The following KCNG3 variants were observed in gnomAD, a reference collection of about 807,000 sequenced individuals.
KCNG3 encodes the protein potassium voltage-gated channel modifier subfamily G member 3.
A neutral mutation model predicts 29.0 loss-of-function variants in KCNG3; 15 were observed. That is an observed-to-expected ratio of 0.52 (90% confidence interval 0.35 to 0.80). The LOEUF (loss-of-function observed/expected upper bound fraction) is 0.80. Ranked by LOEUF, KCNG3 falls within the 30% of genes least tolerant of loss-of-function variation. The pLI is 0.01. For missense variants in KCNG3, 512 were observed against 605.7 expected (o/e 0.85, Z 1.62); for synonymous variants, 322 against 248.9 (o/e 1.29, Z -2.76).
chr2:42,482,450 C>T (rs572168876), intron 1 of KCNG3, among the ~76,000 whole-genome samples: 31 of 152,290 alleles, frequency 2.0e-4, no homozygotes, highest in Middle Eastern at 3.4e-3. Flanking sequence ...GTAGGCCAGA[C>T]GCAGTGGCTC....
intron 1 of KCNG3, among the ~76,000 whole-genome samples, chr2:42,465,099 G>A (rs1673107488): frequency 6.6e-6 from 1 of 152,098 alleles, no homozygotes; most frequent in East Asian, 1.9e-4. Flanking sequence ...TAGAGATAAT[G>A]CATTACTATC....
the KCNG3 span, among the ~76,000 whole-genome samples, chr2:42,398,882 C>G: frequency 1.3e-5 from 2 of 152,254 alleles, no homozygotes; most frequent in African/African-American, 4.8e-5. Flanking sequence ...AAGAGAGACA[C>G]CAAGGGTGCC....
At chr2:42,432,708 A>G in the KCNG3 span, among the ~76,000 whole-genome samples, 1 of 152,248 alleles carries the variant, frequency 6.6e-6, no homozygotes, top group African/African-American at 2.4e-5. Flanking sequence ...ACTTGGGTTA[A>G]TGAAGAGAAT....
At chr2:42,463,807 C>T (rs1169966681) in intron 1 of KCNG3, 4 of 216,158 alleles carry the variant, frequency 1.9e-5, no homozygotes, top group Non-Finnish European at 2.8e-5. Flanking sequence ...CATATCTGGT[C>T]CATCTGTACT....
the KCNG3 span, among the ~76,000 whole-genome samples, chr2:42,402,088 T>G: frequency 6.6e-6 from 1 of 152,180 alleles, no homozygotes; most frequent in African/African-American, 2.4e-5. Flanking sequence ...TTCATGGGGA[T>G]GGGCATCATC....
At chr2:42,465,929 G>C (rs1558381691) in intron 1 of KCNG3, among the ~76,000 whole-genome samples, 1 of 152,138 alleles carries the variant, frequency 6.6e-6, no homozygotes, top group Non-Finnish European at 1.5e-5. Context: ...TACTACACTT[G>C]AGACAGAATA....
chr2:42,470,369 C>CACAGTCAGAAAGATATTT (rs2103706291), intron 1 of KCNG3: 1 of 223,166 alleles, frequency 4.5e-6, no homozygotes, highest in East Asian at 1.5e-4. Flanking sequence ...AAATACCAGC[C>CACAGTCAGAAAGATATTT]ACAGTCAGAA....
chr2:42,402,892 A>G, the KCNG3 span, among the ~76,000 whole-genome samples: 21,030 of 152,158 alleles, frequency 0.14, 1,651 homozygotes, highest in South Asian at 0.26. Context: ...TATGAATGTA[A>G]AAAATGTTTG....
chr2:42,475,121 C>T (rs1008837872), intron 1 of KCNG3, among the ~76,000 whole-genome samples: 1 of 152,130 alleles, frequency 6.6e-6, no homozygotes, highest in Non-Finnish European at 1.5e-5. Flanking sequence ...ATTTTGTAAA[C>T]ACCCATTACC....
the KCNG3 span, among the ~76,000 whole-genome samples, chr2:42,408,481 A>T: frequency 6.6e-6 from 1 of 152,128 alleles, no homozygotes. Flanking sequence ...TACCCACTCC[A>T]GGGCCTCCTC....
the KCNG3 span, among the ~76,000 whole-genome samples, chr2:42,402,035 G>A: frequency 0.034 from 5,198 of 152,306 alleles, 109 homozygotes; most frequent in Non-Finnish European, 0.052. Flanking sequence ...GTTTATGGAG[G>A]TATTCGTATC....
chr2:42,426,914 C>T, the KCNG3 span, among the ~76,000 whole-genome samples: 2 of 152,078 alleles, frequency 1.3e-5, no homozygotes, highest in African/African-American at 2.4e-5. Context: ...TATCAAATGA[C>T]AGTATCAACC....
At chr2:42,445,700 T>C (rs993301809) in intron 1 of KCNG3, among the ~76,000 whole-genome samples, 1 of 151,862 alleles carries the variant, frequency 6.6e-6, no homozygotes, top group African/African-American at 2.4e-5. Context: ...TAATCGCATT[T>C]ATACAGCACA....
At chr2:42,488,802 G>A (rs1319099874) in intron 1 of KCNG3, among the ~76,000 whole-genome samples, 3 of 151,904 alleles carry the variant, frequency 2.0e-5, no homozygotes, top group African/African-American at 4.8e-5. Flanking sequence ...CGCCTGCCTC[G>A]GCCTCCCAAA....
At chr2:42,462,541 G>A (rs541379654) in intron 1 of KCNG3, among the ~76,000 whole-genome samples, 2 of 152,226 alleles carry the variant, frequency 1.3e-5, no homozygotes, top group South Asian at 4.1e-4. Flanking sequence ...AATTAGCCGG[G>A]CGTGGTGGCA....
the KCNG3 span, among the ~76,000 whole-genome samples, chr2:42,428,459 G>GA: frequency 2.0e-3 from 244 of 123,592 alleles, no homozygotes; most frequent in Middle Eastern, 4.7e-3. Context: ...CCGGTCTCGG[G>GA]AAAAAAAAAA....
intron 1 of KCNG3, among the ~76,000 whole-genome samples, chr2:42,488,339 G>A (rs1391069031): frequency 3.3e-5 from 5 of 151,962 alleles, no homozygotes; most frequent in African/African-American, 1.2e-4. Context: ...TATTCCTTTC[G>A]TACCATTAAG....
At chr2:42,428,336 C>T in the KCNG3 span, among the ~76,000 whole-genome samples, 1 of 151,340 alleles carries the variant, frequency 6.6e-6, no homozygotes, top group Non-Finnish European at 1.5e-5. Flanking sequence ...TGGTGCACGC[C>T]TATTATCCCA....
chr2:42,391,629 G>T, the KCNG3 span, among the ~76,000 whole-genome samples: 9,394 of 122,484 alleles, frequency 0.077, 500 homozygotes, highest in East Asian at 0.28. Flanking sequence ...TTGAGACGGA[G>T]TCTCGCTCTG....
Sources: gnomAD v4.1 joint callset for allele counts (sites outside exome capture counted in the v4.1 genomes callset) on GRCh38, gnomAD v4.1.1 for gene constraint, MANE v1.5 for transcripts, NCBI Gene and HGNC (gene_info 2026-07-23, HGNC 2026-07-21) for gene names.